The following PLA2G4F variants were observed in gnomAD, a reference collection of about 807,000 sequenced individuals.
PLA2G4F encodes the protein phospholipase A2 group IVF.
In PLA2G4F, 105 loss-of-function variants were observed where a neutral mutation model predicts 103.1. The ratio of observed to expected loss-of-function variants is 1.02; its 90% CI spans 0.87 to 1.20. PLA2G4F has a LOEUF of 1.20. Among genes scored for constraint, PLA2G4F ranks in the 50% most tolerant of loss-of-function variants. The pLI is 0.00. For missense variants in PLA2G4F, 1,155 were observed against 1,075.9 expected (o/e 1.07, Z -1.03); for synonymous variants, 468 against 441.1 (o/e 1.06, Z -0.76).
At chr15:42,153,538 C>T (rs2048980751) in intron 5 of PLA2G4F, 82 bp downstream of exon 5, 1 of 1,569,036 alleles carries the variant, frequency 6.4e-7, no homozygotes, top group Admixed American at 1.7e-5. Flanking sequence ...AAGGCCAGTG[C>T]AGGACATGGT....
At position 42,147,325 on chromosome 15, in the gene PLA2G4F, C is replaced by A; in HGVS notation, c.1218G>T (p.Arg406Ser). ...AGGCCACCTGGGACCAGGCTGGGTC[C>A]CTGTAGAGTGTGGAGATGCACCTGG... ...GSTWCISTLYRDPAWSQVALQ... is the reference protein window; with the variant it reads ...GSTWCISTLYSDPAWSQVALQ... The change falls in exon 13 of 20, where the codon AGG (arginine) becomes AGT (serine). Residue 406 changes from arginine (R) to serine (S), a missense_variant. Physicochemically the swap from Arg to Ser is moderately radical, Grantham distance 110 (BLOSUM62 -1). Coordinates refer to ENST00000397272, the MANE Select transcript of PLA2G4F (RefSeq NM_213600.4). The A allele has an allele frequency of 6.2e-7, 1 of 1,608,258 alleles. No homozygotes were observed. The highest frequency in any genetic ancestry group is 8.5e-7 in the Non-Finnish European group (1 of 1,179,914).
chr15:42,149,211 T>C (rs2048926690), intron 11 of PLA2G4F: 1 of 963,430 alleles, frequency 1.0e-6, no homozygotes, highest in East Asian at 1.1e-4. Flanking sequence ...GTGACAGTAT[T>C]TGGAAACAGG....
rs768460204 is a variant in PLA2G4F at position 42,155,516 on chromosome 15, C to T, written c.184+1G>A. The T allele has an allele frequency of 1.6e-5, 26 of 1,614,042 alleles. No individual in the cohort carries two copies. Among genetic ancestry groups the T allele is most frequent in the Middle Eastern group, 1.7e-4 (1 of 6,058 alleles). On this transcript the variant is annotated splice_donor_variant, in intron 2 of 19. Coordinates refer to ENST00000397272, the MANE Select transcript of PLA2G4F (RefSeq NM_213600.4). LOFTEE classifies it high-confidence loss of function. ...AGAAGGATGGAGATGGGGTCACTCA[C>T]GCAGGTCTGTGCCCCGGATGTTTGT...
intron 7 of PLA2G4F, chr15:42,151,270 G>A (rs1016502145): frequency 6.2e-5 from 61 of 985,374 alleles, no homozygotes; most frequent in Non-Finnish European, 7.0e-5. Flanking sequence ...TTGTAGAGGC[G>A]GGAGGAGGAA....
At chr15:42,145,456 T>C (rs1025255055) in intron 16 of PLA2G4F, 119 bp downstream of exon 16, 1 of 1,030,326 alleles carries the variant, frequency 9.7e-7, no homozygotes, top group Admixed American at 1.9e-5. Context: ...CCTCAGGACT[T>C]CCCCGAATCC....
intron 7 of PLA2G4F, chr15:42,151,478 G>T: frequency 2.0e-6 from 2 of 985,300 alleles, no homozygotes; most frequent in African/African-American, 3.5e-5. Flanking sequence ...TGACATCCGG[G>T]CAGAGGGGGC....
At chr15:42,152,270 C>T (rs116801522) in intron 7 of PLA2G4F, among the ~76,000 whole-genome samples, 2,580 of 152,330 alleles carry the variant, frequency 0.017, 75 homozygotes, top group African/African-American at 0.059. Flanking sequence ...GCTTAACAAG[C>T]GCTTACTCAG....
intron 19 of PLA2G4F, 52 bp from the exon 20 acceptor site, chr15:42,142,256 T>C (rs2141124075): frequency 5.9e-6 from 9 of 1,517,278 alleles, no homozygotes; most frequent in East Asian, 4.5e-5. Flanking sequence ...TCTGTGGAAC[T>C]GGCTGGAACA....
At chr15:42,155,881 C>T (rs1442773774) in intron 1 of PLA2G4F, among the ~76,000 whole-genome samples, 3 of 152,210 alleles carry the variant, frequency 2.0e-5, no homozygotes, top group Non-Finnish European at 4.4e-5. Flanking sequence ...CTCAGACGCT[C>T]GCGCCCCCAC....
At position 42,144,102 on chromosome 15, in the gene PLA2G4F, C is replaced by T. The variant is rs748772682; in HGVS notation, c.2018G>A (p.Arg673Gln). Residue 673 changes from arginine to glutamine, a missense_variant, in exon 18 of 20, where the codon CGG becomes CAG. Arg to Gln is a conservative substitution (Grantham distance 43). Around this residue, in one of 3 missense-constraint regions of PLA2G4F, gnomAD observed 782 missense variants for 692.9 expected, o/e 1.13. Coordinates refer to ENST00000397272, the MANE Select transcript of PLA2G4F (RefSeq NM_213600.4). ...TCCGTCCACCAGGTACAGGCAGTCC[C>T]GCATGGGGGTGAGCTGGTTGGGGAA... is the stretch of plus-strand genomic sequence containing the variant. ...DAFPNQLTPM[R>Q]DCLYLVDGGF... is the part of the protein sequence containing the mutation. 26 of 1,613,710 alleles carry T rather than the reference C, an allele frequency of 1.6e-5. No individual in the cohort carries two copies. Among genetic ancestry groups the T allele is most frequent in the East Asian group, 1.3e-4 (6 of 44,896 alleles).
intron 2 of PLA2G4F, 102 bp from the exon 3 acceptor site, chr15:42,154,560 G>A: frequency 7.4e-7 from 1 of 1,343,160 alleles, no homozygotes; most frequent in Non-Finnish European, 9.8e-7. Flanking sequence ...AGTGGGGAGG[G>A]GAAGCCGCCC....
chr15:42,144,486 C>G lies in PLA2G4F; in HGVS notation c.1939G>C (p.Asp647His), dbSNP rs1454750366. The G allele has an allele frequency of 2.5e-6, 4 of 1,612,278 alleles. No homozygotes were observed. The highest frequency in any genetic ancestry group is 2.5e-6 in the Non-Finnish European group (3 of 1,180,012). ...NFTRGLCLHK[D>H]YVAGREFVAW... ...ACGAACTCCCTGCCAGCCACATAGTCCTTGTGCAAGCAGAGACCCCGGGTG... is the reference window on the plus strand; with the variant it reads ...ACGAACTCCCTGCCAGCCACATAGTGCTTGTGCAAGCAGAGACCCCGGGTG... Residue 647 changes from aspartate (D) to histidine (H), a missense_variant, in exon 17 of 20, where the codon GAC becomes CAC. Physicochemically the swap from Asp to His is moderately conservative, Grantham distance 81 (BLOSUM62 -1). Coordinates refer to ENST00000397272, the MANE Select transcript of PLA2G4F (RefSeq NM_213600.4).
At position 42,142,680 on chromosome 15, in the gene PLA2G4F, C is replaced by A. The variant is rs375597223; in HGVS notation, c.2177G>T (p.Arg726Leu). Residue 726 changes from arginine (R) to leucine (L), a missense_variant, in exon 19 of 20, where the codon CGA (arginine) becomes CTA (leucine). Arg to Leu is a moderately radical substitution (Grantham distance 102). Coordinates refer to ENST00000397272, the MANE Select transcript of PLA2G4F (RefSeq NM_213600.4). ...LKMTEKYCLD[R>L]GIPFPSIEVG... The stretch of plus-strand genomic sequence containing the variant: ...CTCGATGCTAGGGAAGGGGATTCCT[C>A]GGTCCAGGCAGTACTTCTCTGTCAT... The A allele has an allele frequency of 6.2e-7, 1 of 1,614,006 alleles. No homozygotes were observed. The highest frequency in any genetic ancestry group is 8.5e-7 in the Non-Finnish European group (1 of 1,180,024).
intron 8 of PLA2G4F, 54 bp downstream of exon 8, chr15:42,150,554 G>A (rs1232601365): frequency 6.3e-7 from 1 of 1,595,934 alleles, no homozygotes; most frequent in Non-Finnish European, 8.5e-7. Flanking sequence ...CGTGGCCCTG[G>A]AACGCCAGTC....
At position 42,156,494 on chromosome 15, in the gene PLA2G4F, C is replaced by T. The variant is rs1452894779; in HGVS notation, c.56G>A (p.Gly19Glu). 4.5e-6 allele frequency: 7 copies of T among 1,563,936 alleles called. No homozygotes were observed. In the Admixed American group the frequency reaches 1.3e-4, roughly 30 times the overall value. The change falls in exon 1 of 20, where the codon GGG (glycine) becomes GAG (glutamate). Residue 19 changes from glycine (G) to glutamate (E), a missense_variant. This residue lies in a region of PLA2G4F where 370 missense variants were observed against 364.9 expected (regional missense o/e 1.01). Coordinates refer to ENST00000397272, the MANE Select transcript of PLA2G4F (RefSeq NM_213600.4). ...WLADKMLPLL[G>E]AVLLQKREKR... ...CTCTCTCTTCTGAAGCAGCACTGCC[C>T]CCAGGAGGGGCAGCATCTTGTCTGC...
chr15:42,146,036 C>G, intron 14 of PLA2G4F, 91 bp downstream of exon 14: 1 of 1,576,402 alleles, frequency 6.3e-7, no homozygotes, highest in Non-Finnish European at 8.7e-7. Context: ...CTGTGTGCAA[C>G]CACCTCCTCT....
intron 8 of PLA2G4F, 50 bp from the exon 9 acceptor site, chr15:42,150,536 T>TCCCCCAAC: frequency 6.3e-7 from 1 of 1,597,338 alleles, no homozygotes; most frequent in South Asian, 1.1e-5. Context: ...AAGAAAAGTC[T>TCCCCCAAC]CCCCCAACGT....
At chr15:42,153,748 G>C (rs1016758309) in intron 4 of PLA2G4F, 88 bp from the exon 5 acceptor site, 1 of 1,396,096 alleles carries the variant, frequency 7.2e-7, no homozygotes, top group African/African-American at 1.4e-5. Context: ...CTTGGCTCCA[G>C]GGGCTAGAAG....
Position 42,149,792 on chromosome 15 carries a change from A to T in PLA2G4F, c.980T>A (p.Phe327Tyr). The change falls in exon 11 of 20, where the codon TTT becomes TAT. Residue 327 changes from phenylalanine (F) to tyrosine (Y), a missense_variant. By Grantham distance (22) the Phe-to-Tyr change is conservative. Coordinates refer to ENST00000397272, the MANE Select transcript of PLA2G4F (RefSeq NM_213600.4). ...GFDLSDGEQE[F>Y]LDRRKQVVSK... The stretch of plus-strand genomic sequence containing the variant: ...CACGACCTGCTTCCTCCTGTCCAGA[A>T]ACTCCTGCTCCCCGTCAGAGAGGTC... The T allele has an allele frequency of 6.2e-7, 1 of 1,614,112 alleles. No individual in the cohort carries two copies. Among genetic ancestry groups the T allele is most frequent in the African/African-American group, 1.3e-5 (1 of 75,026 alleles).
Sources: allele counts gnomAD v4.1 joint callset (sites outside exome capture counted in the v4.1 genomes callset), GRCh38; gene constraint gnomAD v4.1.1; regional missense constraint gnomAD v4.1.1; transcripts MANE v1.5; gene names NCBI Gene and HGNC (gene_info 2026-07-23, HGNC 2026-07-21).